The following CPEB3 variants were observed in gnomAD, a reference collection of about 807,000 sequenced individuals.
CPEB3 encodes cytoplasmic polyadenylation element-binding protein 3.
Under a neutral mutation model 67.2 loss-of-function variants are expected in CPEB3, and 20 were observed. The ratio of observed to expected loss-of-function variants is 0.30; its 90% CI spans 0.21 to 0.43. The LOEUF is 0.43. Among genes scored for constraint, CPEB3 ranks in the 20% least tolerant of loss-of-function variants. The probability of loss-of-function intolerance (pLI) is 1.00; values close to 1 mark genes in which losing one functional copy is unlikely to be tolerated. For missense variants in CPEB3, 746 were observed against 968.6 expected (o/e 0.77, Z 3.05); for synonymous variants, 376 against 393.1 (o/e 0.96, Z 0.51).
At chr10:92,225,992 G>A (rs1850953034) in intron 2 of CPEB3, among the ~76,000 whole-genome samples, 1 of 152,162 alleles carries the variant, frequency 6.6e-6, no homozygotes, top group South Asian at 2.1e-4. Context: ...AGCTACTCAG[G>A]AGGCTGAGGC....
At chr10:92,088,239 T>TA (rs1277608349) in intron 8 of CPEB3, among the ~76,000 whole-genome samples, 1 of 150,614 alleles carries the variant, frequency 6.6e-6, no homozygotes, top group Non-Finnish European at 1.5e-5. Flanking sequence ...TTTTTTTTTT[T>TA]TTTTTTGAGA....
At chr10:92,085,695 G>A (rs989276740) in intron 8 of CPEB3, among the ~76,000 whole-genome samples, 3 of 152,086 alleles carry the variant, frequency 2.0e-5, no homozygotes, top group East Asian at 1.9e-4. Flanking sequence ...TGCAACCTCC[G>A]CCTCCAGGGT....
intron 1 of CPEB3, among the ~76,000 whole-genome samples, chr10:92,251,214 C>A (rs1852288920): frequency 6.6e-6 from 1 of 152,164 alleles, no homozygotes; most frequent in Non-Finnish European, 1.5e-5. Context: ...TGTAAGTACA[C>A]TTTATGACAA....
At chr10:92,113,250 C>T (rs547209292) in intron 6 of CPEB3, among the ~76,000 whole-genome samples, 1 of 152,360 alleles carries the variant, frequency 6.6e-6, no homozygotes, top group African/African-American at 2.4e-5. Context: ...TAAAACCTGA[C>T]TGCAAAACTA....
At chr10:92,213,410 G>A (rs1018369115) in intron 2 of CPEB3, among the ~76,000 whole-genome samples, 1 of 152,052 alleles carries the variant, frequency 6.6e-6, no homozygotes, top group Non-Finnish European at 1.5e-5. Flanking sequence ...AATGATGATC[G>A]GTTTGAAAAG....
chr10:92,205,623 T>G (rs1849750176), intron 2 of CPEB3, among the ~76,000 whole-genome samples: 1 of 151,684 alleles, frequency 6.6e-6, no homozygotes, highest in African/African-American at 2.4e-5. Context: ...ATTATGGGTG[T>G]GCGCCATGAT....
At chr10:92,278,933 T>A (rs114302523) in intron 1 of CPEB3, among the ~76,000 whole-genome samples, 2,648 of 152,110 alleles carry the variant, frequency 0.017, 72 homozygotes, top group African/African-American at 0.059. Flanking sequence ...TTTTATTATT[T>A]TTTTTTTTAT....
chr10:92,284,107 C>T (rs1368938711), intron 1 of CPEB3, among the ~76,000 whole-genome samples: 2 of 149,090 alleles, frequency 1.3e-5, no homozygotes, highest in East Asian at 2.0e-4. Context: ...GGTGCAATCT[C>T]GGCTCACTGC....
chr10:92,098,090 A>C (rs1006910054), intron 7 of CPEB3, among the ~76,000 whole-genome samples: 6 of 133,518 alleles, frequency 4.5e-5, no homozygotes, highest in African/African-American at 1.7e-4. Context: ...GAACCCAGGA[A>C]GTGGATGCTA....
Position 92,258,102 on chromosome 10 carries a change from CT to C in CPEB3, c.-11-17742del, listed in dbSNP as rs1171525134. 2.4e-3 allele frequency among the ~76,000 whole-genome samples: 340 copies of C among 141,796 alleles called. 1 individual carries two copies. The highest frequency in any genetic ancestry group is 7.9e-3 in the African/African-American group (305 of 38,774). 93.0% of individuals were successfully genotyped at this position (141,796 alleles called of 152,430 possible). A position where few individuals can be genotyped will look rare whatever the true frequency, so the allele number is the denominator to read the frequency against. ...CCTAATATATGTATTTTTTTCTTTC[CT>C]TTTTTTTTTTCTGAAACCAAGTCTC... On this transcript the variant is annotated intron_variant, in intron 1 of 9. Transcript: ENST00000265997.
chr10:92,066,722 C>T (rs1842561409), intron 9 of CPEB3, among the ~76,000 whole-genome samples: 1 of 152,148 alleles, frequency 6.6e-6, no homozygotes, highest in African/African-American at 2.4e-5. Flanking sequence ...AGCAGGGCCT[C>T]CACCAACAGA....
At chr10:92,215,855 T>A (rs1850352641) in intron 2 of CPEB3, among the ~76,000 whole-genome samples, 2 of 150,766 alleles carry the variant, frequency 1.3e-5, no homozygotes, top group Admixed American at 6.6e-5. Context: ...TTCAAGCGAT[T>A]CTCTTGCCTC....
intron 1 of CPEB3, among the ~76,000 whole-genome samples, chr10:92,261,727 G>T (rs557526675): frequency 3.3e-5 from 5 of 152,278 alleles, no homozygotes; most frequent in African/African-American, 1.2e-4. Flanking sequence ...GGGATTACAG[G>T]CATGAGCCAC....
At chr10:92,112,396 C>T (rs1262845504) in intron 6 of CPEB3, among the ~76,000 whole-genome samples, 3 of 152,118 alleles carry the variant, frequency 2.0e-5, no homozygotes, top group East Asian at 1.9e-4. Context: ...CCATCTGCCT[C>T]GGCCTCCCAA....
At chr10:92,089,547 G>A (rs1351681100) in intron 8 of CPEB3, among the ~76,000 whole-genome samples, 1 of 152,164 alleles carries the variant, frequency 6.6e-6, no homozygotes, top group Non-Finnish European at 1.5e-5. Flanking sequence ...AGCACTTTGG[G>A]AGGCCGAGGC....
chr10:92,291,227 A>C, upstream of CPEB3: 1 of 533,612 alleles, frequency 1.9e-6, no homozygotes, highest in Non-Finnish European at 3.3e-6. Context: ...ATGGACCGGA[A>C]CCTCGGGCCG....
At chr10:92,237,372 A>G (rs1299321254) in intron 2 of CPEB3, among the ~76,000 whole-genome samples, 2 of 152,226 alleles carry the variant, frequency 1.3e-5, no homozygotes, top group African/African-American at 4.8e-5. Flanking sequence ...CCTATCCAAT[A>G]GCATCACCAG....
At chr10:92,118,873 C>CTGCTTTGAGGT in intron 6 of CPEB3, 1 of 608,970 alleles carries the variant, frequency 1.6e-6, no homozygotes, top group South Asian at 1.8e-5. Context: ...GCCACCATGA[C>CTGCTTTGAGGT]ACTGGTACTG....
chr10:92,290,574 C>A (rs758659873), intron 1 of CPEB3, among the ~76,000 whole-genome samples: 6 of 152,164 alleles, frequency 3.9e-5, no homozygotes, highest in Non-Finnish European at 8.8e-5. Context: ...TTCCTTCCCC[C>A]AACTCCCCAG....
Sources: gnomAD v4.1 joint callset for allele counts (sites outside exome capture counted in the v4.1 genomes callset) on GRCh38, gnomAD v4.1.1 for gene constraint, MANE v1.5 for transcripts, NCBI Gene and HGNC (gene_info 2026-07-23, HGNC 2026-07-21) for gene names.